Variants in KIF17 observed in about 807,000 individuals in gnomAD.
The protein encoded by KIF17 is kinesin family member 17, also known as kinesin-like protein KIF17.
Under a neutral mutation model 96.8 loss-of-function variants are expected in KIF17, and 80 were observed. The ratio of observed to expected loss-of-function variants is 0.83; its 90% confidence interval spans 0.69 to 1.00. KIF17 has a LOEUF of 1.00. KIF17 is among the 50% of genes least tolerant of loss of function. The pLI is 0.00. For synonymous variants in KIF17, 567 were observed against 587.5 expected (o/e 0.97, Z 0.51); for missense variants, 1,280 against 1,372.9 (o/e 0.93, Z 1.07).
rs749926705 is a variant in KIF17 at position 20,717,497 on chromosome 1, C to G, written c.210G>C (p.Glu70Asp). ...VDHVTEQIYN[E>D]IAYPLVEGVT... Reference sequence around the variant, plus strand: ...TCACCTCCACCAGCGGATAGGCGATCTCGTTGTAGATCTGCTCGGTGACGT... The same window carrying G: ...TCACCTCCACCAGCGGATAGGCGATGTCGTTGTAGATCTGCTCGGTGACGT... The change falls in exon 1 of 15, where the codon GAG becomes GAC. Residue 70 changes from glutamate (E) to aspartate (D), a missense_variant. Coordinates refer to ENST00000400463, the MANE Select transcript of KIF17 (RefSeq NM_001122819.3). 6 of 1,611,618 alleles carry G rather than the reference C, an allele frequency of 3.7e-6. No homozygotes were observed. The South Asian group carries it at 6.6e-5, about 18-fold the overall frequency.
chr1:20,671,315 C>T (rs1329534774), intron 12 of KIF17, among the ~76,000 whole-genome samples: 1 of 152,128 alleles, frequency 6.6e-6, no homozygotes, highest in African/African-American at 2.4e-5. Context: ...TGTATTAACA[C>T]ATTTCTGGTT....
At chr1:20,714,792 G>A (rs553629877) in intron 2 of KIF17, among the ~76,000 whole-genome samples, 7 of 83,594 alleles carry the variant, frequency 8.4e-5, no homozygotes, top group African/African-American at 2.8e-4. Context: ...GCAAGACTCC[G>A]TCTCAAAAAA....
In KIF17 at chr1:20,686,044, A is replaced by G; in HGVS notation, c.2019+2T>C. On this transcript the variant is annotated splice_donor_variant, in intron 9 of 14. Transcript: ENST00000400463. LOFTEE classifies it high-confidence loss of function. ...CACATGGAGGCCCGGGGAGGTACTC[A>G]CAGGCCTGGGCGGGAAGTCATCAGC... The G allele has an allele frequency of 6.4e-7, 1 of 1,554,124 alleles. No homozygotes were observed. Among genetic ancestry groups the G allele is most frequent in the Non-Finnish European group, 8.7e-7 (1 of 1,148,154 alleles).
At chr1:20,694,947 A>G (rs990084729) in intron 6 of KIF17, among the ~76,000 whole-genome samples, 3 of 152,082 alleles carry the variant, frequency 2.0e-5, no homozygotes, top group Non-Finnish European at 4.4e-5. Context: ...CACAGCCCTG[A>G]CCCTGGTTAA....
rs1557604743 is a variant in KIF17 at position 20,709,749 on chromosome 1, T to C, written c.560A>G (p.His187Arg). The C allele has an allele frequency of 9.3e-6, 15 of 1,614,168 alleles. No homozygotes were observed. The highest frequency in any genetic ancestry group is 1.2e-5 in the Non-Finnish European group (14 of 1,180,030). ...GTTCTTCCAGCCAGTCTCCATGATG[T>C]GCTCACACTGGGCCACGCTGTGCAC... Reference protein sequence around the residue: ...HTVHSVAQCEHIMETGWKNRS... With the variant: ...HTVHSVAQCERIMETGWKNRS... The change falls in exon 4 of 15, where the codon CAC (histidine) becomes CGC (arginine). Residue 187 changes from histidine (H) to arginine (R), a missense_variant. His to Arg is a conservative substitution (Grantham distance 29, BLOSUM62 0). Transcript: ENST00000400463. The surrounding 1 kb of genome is among the most constrained non-coding windows in gnomAD (Gnocchi z 4.7).
At chr1:20,682,365 A>C (rs771800800) in intron 11 of KIF17, among the ~76,000 whole-genome samples, 4 of 152,178 alleles carry the variant, frequency 2.6e-5, no homozygotes, top group African/African-American at 4.8e-5. Context: ...TGTCCAAAAA[A>C]TTTAATAAAG....
intron 11 of KIF17, among the ~76,000 whole-genome samples, chr1:20,679,808 A>T (rs1189181688): frequency 6.6e-6 from 1 of 152,202 alleles, no homozygotes; most frequent in Non-Finnish European, 1.5e-5. Context: ...AACCTCCTGA[A>T]AGAAGTCCAG....
chr1:20,666,180 G>T lies in KIF17; in HGVS notation c.2908+34C>A, dbSNP rs374899477. On this transcript the variant is annotated intron_variant, in intron 14 of 14. Coordinates refer to ENST00000400463, the MANE Select transcript of KIF17 (RefSeq NM_001122819.3). ...TCCCCTTCACGCCTCTCCCAGTTGTGTGGAGAGGGTGGGGACAGGGGAGGG... is the reference window on the plus strand; with the variant it reads ...TCCCCTTCACGCCTCTCCCAGTTGTTTGGAGAGGGTGGGGACAGGGGAGGG... The T allele has an allele frequency of 4.8e-6, 7 of 1,457,604 alleles. No homozygotes were observed. The Admixed American group carries it at 5.0e-5, about 10-fold the overall frequency. 90.3% of individuals were successfully genotyped at this position (1,457,604 alleles called of 1,614,324 possible). A position where few individuals can be genotyped will look rare whatever the true frequency, so the allele number is the denominator to read the frequency against.
intron 7 of KIF17, 89 bp downstream of exon 7, chr1:20,690,099 A>G: frequency 2.1e-6 from 3 of 1,436,148 alleles, no homozygotes; most frequent in Non-Finnish European, 2.9e-6. Context: ...CCTCGGGTGT[A>G]GAAAATGCTC....
chr1:20,671,655 T>C (rs980633113), intron 12 of KIF17, among the ~76,000 whole-genome samples: 8 of 152,152 alleles, frequency 5.3e-5, no homozygotes, highest in Non-Finnish European at 1.2e-4. Context: ...TTTCAAACCT[T>C]ACAGCAACTT....
rs769169459 is a variant in KIF17, at chr1:20,686,068, G to A, written c.1997C>T (p.Ala666Val). Residue 666 changes from alanine (A) to valine (V), a missense_variant, in exon 9 of 15, where the codon GCT becomes GTT. Transcript: ENST00000400463. ...CACAGGCCTGGGCGGGAAGTCATCA[G>A]CCGCCTCGGCTTCGGGCCTGGCATC... ...PSDARPEAEAADDFPPRPEVD... is the reference protein window; with the variant it reads ...PSDARPEAEAVDDFPPRPEVD... 1 of 1,559,784 alleles carries A rather than the reference G, an allele frequency of 6.4e-7. No individual in the cohort carries two copies. Among genetic ancestry groups the A allele is most frequent in the East Asian group, 2.4e-5 (1 of 41,788 alleles).
intron 10 of KIF17, among the ~76,000 whole-genome samples, chr1:20,684,338 G>A (rs2053891349): frequency 6.6e-6 from 1 of 152,260 alleles, no homozygotes; most frequent in Non-Finnish European, 1.5e-5. Flanking sequence ...CCACGACATG[G>A]AGGTCGGGCT....
downstream of KIF17, among the ~76,000 whole-genome samples, chr1:20,661,995 C>T (rs760325555): frequency 1.3e-5 from 2 of 152,258 alleles, no homozygotes; most frequent in Non-Finnish European, 2.9e-5. Context: ...GTAGACTGGC[C>T]TAGCGATGGT....
At chr1:20,714,205 T>TA (rs1228845333) in intron 2 of KIF17, among the ~76,000 whole-genome samples, 1 of 152,124 alleles carries the variant, frequency 6.6e-6, no homozygotes, top group Non-Finnish European at 1.5e-5. Context: ...TGGGTGCCTG[T>TA]AGTCCCAGCT....
At chr1:20,665,184 TTAAA>T (rs997823304) in intron 14 of KIF17, among the ~76,000 whole-genome samples, 3 of 111,152 alleles carry the variant, frequency 2.7e-5, no homozygotes, top group Non-Finnish European at 5.4e-5. Flanking sequence ...ATTCTGTCTC[TTAAA>T]TAACCTCAAT....
rs1017482191 is a variant in KIF17, at chr1:20,672,696, C to T, written c.2464-500G>A. 1.5e-4 allele frequency among the ~76,000 whole-genome samples: 23 copies of T among 152,328 alleles called. No individual in the cohort carries two copies. The highest frequency in any genetic ancestry group is 4.1e-4 in the African/African-American group (17 of 41,580). On this transcript the variant is annotated intron_variant, in intron 11 of 14. Transcript: ENST00000400463. The surrounding 1 kb of genome is among the most constrained non-coding windows in gnomAD (Gnocchi z 4.3). ...CTCCCACTGCCACAGCCCTGTGTGA[C>T]GGTGTGACAAACACTGGACCTAAAC...
chr1:20,712,778 GATA>G (rs1336292602), intron 3 of KIF17, among the ~76,000 whole-genome samples: 1 of 70,638 alleles, frequency 1.4e-5, no homozygotes, highest in South Asian at 3.9e-4. Flanking sequence ...ATATAATATA[GATA>G]ATATCTATAT....
intron 7 of KIF17, among the ~76,000 whole-genome samples, chr1:20,689,582 G>A (rs1557593751): frequency 6.6e-6 from 1 of 152,058 alleles, no homozygotes; most frequent in Non-Finnish European, 1.5e-5. Context: ...ATCCGGGATG[G>A]GGAGGTTGCA....
chr1:20,701,893 T>C (rs938654402), intron 5 of KIF17, among the ~76,000 whole-genome samples: 13 of 151,956 alleles, frequency 8.6e-5, no homozygotes, highest in African/African-American at 3.1e-4. Flanking sequence ...AGTAGACAGA[T>C]GTTTCAAGTT....
Sources: gnomAD v4.1 joint callset for allele counts (sites outside exome capture counted in the v4.1 genomes callset) on GRCh38, gnomAD v4.1.1 for gene constraint, Gnocchi (gnomAD v3.1) non-coding constraint, MANE v1.5 for transcripts, NCBI Gene and HGNC (gene_info 2026-07-23, HGNC 2026-07-21) for gene names.